Variants in ANKS1B observed in about 807,000 individuals in gnomAD.
ANKS1B encodes ankyrin repeat and sterile alpha motif domain-containing protein 1B.
ANKS1B carries 36 observed loss-of-function variants against 148.3 expected under a neutral mutation model. The observed-to-expected ratio is 0.24, with a 90% CI of 0.19 to 0.32. The LOEUF (loss-of-function observed/expected upper bound fraction) is 0.32. Ranked by LOEUF, ANKS1B falls within the 10% of genes least tolerant of loss-of-function variation. ANKS1B has a pLI of 1.00. For synonymous variants in ANKS1B, 542 were observed against 560.8 expected (o/e 0.97, Z 0.47); for missense variants, 1,157 against 1,542.6 (o/e 0.75, Z 4.19).
intron 12 of ANKS1B, among the ~76,000 whole-genome samples, chr12:99,284,507 G>A (rs1176582845): frequency 5.3e-5 from 8 of 152,066 alleles, no homozygotes; most frequent in East Asian, 3.9e-4. Context: ...TAACAATCCC[G>A]AAAGCCATTC....
intron 17 of ANKS1B, among the ~76,000 whole-genome samples, chr12:98,921,714 A>G (rs2099801700): frequency 6.6e-6 from 1 of 152,180 alleles, no homozygotes; most frequent in Admixed American, 6.5e-5. Flanking sequence ...ATTATAATAA[A>G]TATCTTCTCT....
At chr12:99,778,942 C>T (rs1203137200) in intron 6 of ANKS1B, among the ~76,000 whole-genome samples, 2 of 152,120 alleles carry the variant, frequency 1.3e-5, no homozygotes, top group African/African-American at 4.8e-5. Flanking sequence ...CTAATAAAAC[C>T]TATCTCACCA....
chr12:99,938,698 C>T (rs549302673), intron 1 of ANKS1B, among the ~76,000 whole-genome samples: 18 of 152,252 alleles, frequency 1.2e-4, no homozygotes, highest in African/African-American at 2.4e-4. Flanking sequence ...AAGATTCAAG[C>T]GGCAATTTGC....
chr12:98,797,626 A>G (rs888397426), intron 22 of ANKS1B, among the ~76,000 whole-genome samples: 1 of 152,146 alleles, frequency 6.6e-6, no homozygotes, highest in Non-Finnish European at 1.5e-5. Context: ...GTACTGTCTA[A>G]CTCTGCATTA....
At chr12:99,907,164 T>A (rs1276609579) in intron 1 of ANKS1B, among the ~76,000 whole-genome samples, 1 of 152,190 alleles carries the variant, frequency 6.6e-6, no homozygotes, top group Non-Finnish European at 1.5e-5. Context: ...ATGGTGGGCC[T>A]TCCATGCTAC....
At chr12:99,581,647 T>C in intron 9 of ANKS1B, among the ~76,000 whole-genome samples, 1 of 151,816 alleles carries the variant, frequency 6.6e-6, no homozygotes, top group Non-Finnish European at 1.5e-5. Flanking sequence ...TCCCAGCACT[T>C]TGGGAGGCCG....
Position 99,060,483 on chromosome 12 carries a change from C to T in ANKS1B, c.2626-7174G>A, listed in dbSNP as rs146428800. On this transcript the variant is annotated intron_variant, in intron 16 of 26. Coordinates refer to ENST00000683438, the MANE Select transcript of ANKS1B (RefSeq NM_001352186.2). Reference sequence around the variant, plus strand: ...CAAGTAAGAGGAAGAAAGGTTTTCTCGGCTTTAAAAAGAAATGTTTGAAAA... The same window carrying T: ...CAAGTAAGAGGAAGAAAGGTTTTCTTGGCTTTAAAAAGAAATGTTTGAAAA... Among the ~76,000 whole-genome samples, 6 of 151,970 alleles carry T rather than the reference C, an allele frequency of 3.9e-5. No homozygotes were observed. In the South Asian group the frequency reaches 8.3e-4, roughly 21 times the overall value.
At chr12:98,837,794 A>T (rs1339733010) in intron 17 of ANKS1B, among the ~76,000 whole-genome samples, 3 of 152,196 alleles carry the variant, frequency 2.0e-5, no homozygotes, top group African/African-American at 4.8e-5. Context: ...ACATGTTTAA[A>T]TTTATATCAC....
intron 9 of ANKS1B, among the ~76,000 whole-genome samples, chr12:99,614,828 G>A (rs1180445988): frequency 6.6e-6 from 1 of 150,968 alleles, no homozygotes; most frequent in Non-Finnish European, 1.5e-5. Context: ...ATATTTCTAG[G>A]ATTTTCATAA....
At chr12:99,258,515 G>A (rs1032162779) in intron 12 of ANKS1B, among the ~76,000 whole-genome samples, 7 of 151,544 alleles carry the variant, frequency 4.6e-5, no homozygotes, top group Admixed American at 4.6e-4. Flanking sequence ...ATAGCAAGGA[G>A]CTAAACTTTA....
intron 12 of ANKS1B, among the ~76,000 whole-genome samples, chr12:99,332,753 G>C (rs1312629684): frequency 6.6e-6 from 1 of 151,602 alleles, no homozygotes; most frequent in African/African-American, 2.4e-5. Context: ...GCAGGATGAA[G>C]GAAGGGTTAG....
chr12:99,538,386 A>G (rs947466244), intron 9 of ANKS1B, among the ~76,000 whole-genome samples: 1 of 152,164 alleles, frequency 6.6e-6, no homozygotes, highest in Non-Finnish European at 1.5e-5. Context: ...CTTCCAATCC[A>G]TGAACACGGA....
chr12:99,835,638 T>C (rs2084728064), intron 1 of ANKS1B, among the ~76,000 whole-genome samples: 1 of 152,226 alleles, frequency 6.6e-6, no homozygotes, highest in South Asian at 2.1e-4. Context: ...GTGTTTATTT[T>C]ACACTTATAG....
chr12:98,793,487 T>C (rs1051078399), intron 22 of ANKS1B, among the ~76,000 whole-genome samples: 3 of 152,114 alleles, frequency 2.0e-5, no homozygotes, highest in Non-Finnish European at 2.9e-5. Context: ...AATAGACACA[T>C]GGGATTACAT....
chr12:98,820,362 C>T (rs948758436), intron 19 of ANKS1B, among the ~76,000 whole-genome samples: 9 of 152,134 alleles, frequency 5.9e-5, no homozygotes, highest in Non-Finnish European at 1.3e-4. Context: ...ACGATGATGC[C>T]GATGAATCAC....
chr12:99,404,908 A>G (rs2094496308), intron 11 of ANKS1B, among the ~76,000 whole-genome samples: 1 of 146,370 alleles, frequency 6.8e-6, no homozygotes, highest in African/African-American at 2.6e-5. Flanking sequence ...GCAGCAAGAG[A>G]AAAGAAGCAA....
At chr12:99,881,623 C>A (rs904522086) in intron 1 of ANKS1B, among the ~76,000 whole-genome samples, 3 of 152,174 alleles carry the variant, frequency 2.0e-5, no homozygotes, top group Non-Finnish European at 2.9e-5. Flanking sequence ...GAACACCTAA[C>A]AAAGACTTGA....
At chr12:99,396,623 C>T (rs2094251865) in intron 12 of ANKS1B, among the ~76,000 whole-genome samples, 1 of 152,132 alleles carries the variant, frequency 6.6e-6, no homozygotes, top group South Asian at 2.1e-4. Context: ...TTGGATGATG[C>T]CACTGAACTC....
intron 17 of ANKS1B, among the ~76,000 whole-genome samples, chr12:98,921,519 G>A (rs572201886): frequency 5.9e-5 from 9 of 152,090 alleles, no homozygotes; most frequent in Non-Finnish European, 4.4e-5. Context: ...TTTTCTATAG[G>A]CCCACCAATT....
Sources: allele counts gnomAD v4.1 joint callset (sites outside exome capture counted in the v4.1 genomes callset), GRCh38; gene constraint gnomAD v4.1.1; transcripts MANE v1.5; gene names NCBI Gene and HGNC (gene_info 2026-07-23, HGNC 2026-07-21).